CTLA4: variants seen among roughly 807,000 people sequenced by gnomAD.
CTLA4 encodes cytotoxic T-lymphocyte protein 4.
Under a neutral mutation model 20.4 loss-of-function variants are expected in CTLA4, and 3 were observed. The ratio of observed to expected loss-of-function variants is 0.15; its 90% CI spans 0.07 to 0.38. The LOEUF (loss-of-function observed/expected upper bound fraction) is 0.38. CTLA4 is among the 10% of genes least tolerant of loss of function. CTLA4 has a pLI of 1.00. For missense variants in CTLA4, 184 were observed against 276.8 expected, an observed-to-expected ratio of 0.66 and a Z score of 2.38; for synonymous variants, 100 against 105.2, an observed-to-expected ratio of 0.95 and a Z score of 0.30.
chr2:203,868,738 G>T (rs1484086759), intron 1 of CTLA4, among the ~76,000 whole-genome samples: 2 of 152,036 alleles, frequency 1.3e-5, no homozygotes, highest in African/African-American at 4.8e-5. Context: ...CCTGACCTAC[G>T]TGTGGGTTTC....
At chr2:203,871,542 C>A in intron 3 of CTLA4, 55 bp downstream of exon 3, 2 of 1,327,590 alleles carry the variant, frequency 1.5e-6, no homozygotes, top group Non-Finnish European at 2.2e-6. Flanking sequence ...TTAGTGGTAT[C>A]AACTGGCCAA....
rs369757839 is a variant in CTLA4 at position 203,872,824 on chromosome 2, G to A, written c.*12G>A. 18 of 1,489,188 alleles carry A rather than the reference G, an allele frequency of 1.2e-5. No individual in the cohort carries two copies. Among genetic ancestry groups the A allele is most frequent in the Non-Finnish European group, 1.7e-5 (18 of 1,066,952 alleles). The allele number at this position is 1,489,188 out of a possible 1,614,324, so 92.2% of individuals were successfully genotyped here. A position where few individuals can be genotyped will look rare whatever the true frequency, so the allele number is the denominator to read the frequency against. On this transcript the variant is annotated 3_prime_UTR_variant, in exon 4 of 4. Coordinates refer to ENST00000648405, the MANE Select transcript of CTLA4 (RefSeq NM_005214.5). ...TTCCCATCAATTGAGAAACCATTAT[G>A]AAGAAGAGAGTCCATATTTCAATTT...
At position 203,870,547 on chromosome 2, in the gene CTLA4, C is replaced by T. The variant is rs376571886; in HGVS notation, c.110-39C>T. ...TTGCCTGGGCTTGGCCATGAAGGAGCATGAGTTCACTGAGTTCCCTTTGGC... is the reference window on the plus strand; with the variant it reads ...TTGCCTGGGCTTGGCCATGAAGGAGTATGAGTTCACTGAGTTCCCTTTGGC... On this transcript the variant is annotated intron_variant, in intron 1 of 3. Coordinates refer to ENST00000648405, the MANE Select transcript of CTLA4 (RefSeq NM_005214.5). This position sits in a 1 kb window ranked among gnomAD's most constrained non-coding sequence, Gnocchi z 5.3. The T allele has an allele frequency of 1.9e-6, 3 of 1,596,752 alleles. No homozygotes were observed. The highest frequency in any genetic ancestry group is 2.2e-5 in the South Asian group (2 of 88,902).
At chr2:203,872,022 G>GAAGTGAA (rs1688742921) in intron 3 of CTLA4, among the ~76,000 whole-genome samples, 1 of 152,138 alleles carries the variant, frequency 6.6e-6, no homozygotes, top group African/African-American at 2.4e-5. Flanking sequence ...CTTCAGCCAG[G>GAAGTGAA]AAGTGAAAGT....
At chr2:203,868,471 T>C (rs1688669568) in intron 1 of CTLA4, among the ~76,000 whole-genome samples, 1 of 152,194 alleles carries the variant, frequency 6.6e-6, no homozygotes. Context: ...GTTTTTTTGC[T>C]ATACAATTCA....
At position 203,870,331 on chromosome 2, in the gene CTLA4, C is replaced by T. The variant is rs1448170212; in HGVS notation, c.110-255C>T. The T allele has an allele frequency of 7.6e-6, 4 of 525,536 alleles. No individual in the cohort carries two copies. The highest frequency in any genetic ancestry group is 7.6e-5 in the African/African-American group (4 of 52,584). 32.6% of individuals were successfully genotyped at this position (525,536 alleles called of 1,614,324 possible). A position where few individuals can be genotyped will look rare whatever the true frequency, so the allele number is the denominator to read the frequency against. On this transcript the variant is annotated intron_variant, in intron 1 of 3. Transcript: ENST00000648405. This position sits in a 1 kb window ranked among gnomAD's most constrained non-coding sequence, Gnocchi z 5.3. ...GAGCCAGGTCTTCTGTTTGTCATAT[C>T]AGTGTTCTTCCTGCCACAACCATCT...
intron 3 of CTLA4, among the ~76,000 whole-genome samples, chr2:203,872,242 C>T (rs1688746396): frequency 6.6e-6 from 1 of 152,110 alleles, no homozygotes; most frequent in African/African-American, 2.4e-5. Context: ...CTCTTTCTCC[C>T]TCTCTGTCTC....
intron 1 of CTLA4, among the ~76,000 whole-genome samples, chr2:203,868,809 A>C (rs147514192): frequency 6.6e-6 from 1 of 152,326 alleles, no homozygotes; most frequent in Admixed American, 6.5e-5. Context: ...TACACGGCTT[A>C]AAATGATGAG....
Position 203,870,926 on chromosome 2 carries a change from T to C in CTLA4, c.450T>C (p.Tyr150=). 1 of 1,611,804 alleles carries C rather than the reference T, an allele frequency of 6.2e-7. No individual in the cohort carries two copies. Among genetic ancestry groups the C allele is most frequent in the Non-Finnish European group, 8.5e-7 (1 of 1,178,174 alleles). ...YLGIGNGTQI[Y]VIDPEPCPDS... is the part of the protein sequence containing the mutation. ...GCATAGGCAACGGAACCCAGATTTA[T>C]GTAATTGGTGAGCAAAGCCATTTCA... The change falls in exon 2 of 4, where the codon TAT becomes TAC. Residue 150 remains tyrosine (Y), a synonymous_variant. Transcript: ENST00000648405. This position sits in a 1 kb window ranked among gnomAD's most constrained non-coding sequence, Gnocchi z 5.3.
Position 203,872,882 on chromosome 2 carries a change from A to G in CTLA4, c.*70A>G. ...CTGAGGCAATTCTAACTTTTTTGCT[A>G]TCCAGCTATTTTTATTTGTTTGTGC... On this transcript the variant is annotated 3_prime_UTR_variant, in exon 4 of 4. Coordinates refer to ENST00000648405, the MANE Select transcript of CTLA4 (RefSeq NM_005214.5). 1 of 1,015,374 alleles carries G rather than the reference A, an allele frequency of 9.8e-7. No individual in the cohort carries two copies. Among genetic ancestry groups the G allele is most frequent in the South Asian group, 1.3e-5 (1 of 74,090 alleles). The allele number at this position is 1,015,374 out of a possible 1,614,324, so 62.9% of individuals were successfully genotyped here.
rs1399368910 is a variant in CTLA4 at position 203,868,062 on chromosome 2, C to T, written c.109+11C>T. Reference sequence around the variant, plus strand: ...CTGTCTTCTGCAAAGGTGAGTGAGACTTTTGGAGCATGAAGATGGAGGAGG... The same window carrying T: ...CTGTCTTCTGCAAAGGTGAGTGAGATTTTTGGAGCATGAAGATGGAGGAGG... On this transcript the variant is annotated intron_variant, in intron 1 of 3. Coordinates refer to ENST00000648405, the MANE Select transcript of CTLA4 (RefSeq NM_005214.5). 1 of 1,589,284 alleles carries T rather than the reference C, an allele frequency of 6.3e-7. No individual in the cohort carries two copies. Among genetic ancestry groups the T allele is most frequent in the Non-Finnish European group, 8.6e-7 (1 of 1,157,594 alleles).
Position 203,872,335 on chromosome 2 carries a change from G to A in CTLA4, c.568-373G>A, listed in dbSNP as rs538455913. ...GATGTCCTTTGCTGTAGGTTCAGCA[G>A]TGGGGATGAGAAATACAGCTCTCAA... On this transcript the variant is annotated intron_variant, in intron 3 of 3. Coordinates refer to ENST00000648405, the MANE Select transcript of CTLA4 (RefSeq NM_005214.5). Among the ~76,000 whole-genome samples the A allele has an allele frequency of 3.9e-5, 6 of 152,280 alleles. No individual in the cohort carries two copies. The East Asian group carries it at 1.2e-3, about 29-fold the overall frequency.
In CTLA4 at chr2:203,870,593, C is replaced by T. The variant is rs760446668; in HGVS notation, c.117C>T (p.His39=). The change falls in exon 2 of 4, where the codon CAC becomes CAT. Residue 39 remains histidine (H), a synonymous_variant. Transcript: ENST00000648405. The surrounding 1 kb of genome is among the most constrained non-coding windows in gnomAD (Gnocchi z 5.3). ...TTGGCTTTTCCATGCTAGCAATGCA[C>T]GTGGCCCAGCCTGCTGTGGTACTGG... ...LFIPVFCKAM[H]VAQPAVVLAS... 3.5e-5 allele frequency: 57 copies of T among 1,613,086 alleles called. No individual in the cohort carries two copies. The highest frequency in any genetic ancestry group is 4.3e-5 in the Non-Finnish European group (51 of 1,179,268).
Position 203,868,008 on chromosome 2 carries a change from C to T in CTLA4, c.66C>T (p.Cys22=). 1 of 1,614,092 alleles carries T rather than the reference C, an allele frequency of 6.2e-7. No individual in the cohort carries two copies. The highest frequency in any genetic ancestry group is 1.6e-4 in the Middle Eastern group (1 of 6,062). Residue 22 remains cysteine (C), a synonymous_variant, in exon 1 of 4, where the codon TGC becomes TGT. Transcript: ENST00000648405. ...QLNLATRTWP[C]TLLFFLLFIP... ...ACCTGGCTACCAGGACCTGGCCCTG[C>T]ACTCTCCTGTTTTTTCTTCTCTTCA... is the stretch of plus-strand genomic sequence containing the variant.
chr2:203,872,310 G>T (rs1688748023), intron 3 of CTLA4, among the ~76,000 whole-genome samples: 1 of 152,084 alleles, frequency 6.6e-6, no homozygotes, highest in African/African-American at 2.4e-5. Context: ...ACCTGACAGA[G>T]ATGTCCTTTG....
chr2:203,871,540 A>C (rs917815267), intron 3 of CTLA4, 53 bp downstream of exon 3: 14 of 1,345,888 alleles, frequency 1.0e-5, no homozygotes, highest in Admixed American at 5.0e-5. Context: ...CTTTAGTGGT[A>C]TCAACTGGCC....
chr2:203,873,568 A>T lies in CTLA4; in HGVS notation c.*756A>T. 4.6e-6 allele frequency: 1 copy of T among 216,790 alleles called. No homozygotes were observed. The highest frequency in any genetic ancestry group is 9.2e-6 in the Non-Finnish European group (1 of 108,134). 13.4% of individuals were successfully genotyped at this position (216,790 alleles called of 1,614,324 possible). ...ATTTGCTAACTAGCTTGGAAACTGG[A>T]TGAGGTCATAGCAGTGCTTGATTGC... On this transcript the variant is annotated 3_prime_UTR_variant, in exon 4 of 4. Transcript: ENST00000648405.
chr2:203,871,009 A>G, intron 2 of CTLA4, 76 bp downstream of exon 2: 1 of 1,186,272 alleles, frequency 8.4e-7, no homozygotes, highest in Non-Finnish European at 1.2e-6. Context: ...TTTGTTCCTT[A>G]ATTTCAGGAG....
Position 203,870,513 on chromosome 2 carries a change from C to G in CTLA4, c.110-73C>G. 6.5e-7 allele frequency: 1 copy of G among 1,531,332 alleles called. No homozygotes were observed. The highest frequency in any genetic ancestry group is 1.7e-5 in the Admixed American group (1 of 57,282). 94.9% of individuals were successfully genotyped at this position (1,531,332 alleles called of 1,614,324 possible). A position where few individuals can be genotyped will look rare whatever the true frequency, so the allele number is the denominator to read the frequency against. On this transcript the variant is annotated intron_variant, in intron 1 of 3. Transcript: ENST00000648405. This position sits in a 1 kb window ranked among gnomAD's most constrained non-coding sequence, Gnocchi z 5.3. ...AGGCCGTGGGGATGAAGCTAGAAGG[C>G]AGAAGGGCTTGCCTGGGCTTGGCCA...
Sources: allele counts gnomAD v4.1 joint callset (sites outside exome capture counted in the v4.1 genomes callset), GRCh38; gene constraint gnomAD v4.1.1; non-coding constraint Gnocchi (gnomAD v3.1); transcripts MANE v1.5; gene names NCBI Gene and HGNC (gene_info 2026-07-23, HGNC 2026-07-21).